The following ZNF609 variants were observed in gnomAD, a reference collection of about 807,000 sequenced individuals.
The protein encoded by ZNF609 is zinc finger protein 609.
In ZNF609, 11 loss-of-function variants were observed where a neutral mutation model predicts 109.5. The ratio of observed to expected loss-of-function variants is 0.10; its 90% confidence interval spans 0.06 to 0.17. The LOEUF is 0.17. Among genes scored for constraint, ZNF609 ranks in the 10% least tolerant of loss-of-function variants. ZNF609 has a pLI of 1.00. For missense variants in ZNF609, 1,559 were observed against 1,772.4 expected, an observed-to-expected ratio of 0.88 and a Z score of 2.16; for synonymous variants, 646 against 662.0, an observed-to-expected ratio of 0.98 and a Z score of 0.37.
chr15:64,490,892 G>A (rs374714005), intron 1 of ZNF609, among the ~76,000 whole-genome samples: 1 of 152,310 alleles, frequency 6.6e-6, no homozygotes, highest in African/African-American at 2.4e-5. Flanking sequence ...TTGGAGAATA[G>A]CAGCCTTTGA....
At chr15:64,557,936 G>A (rs1343480340) in intron 2 of ZNF609, among the ~76,000 whole-genome samples, 1 of 151,986 alleles carries the variant, frequency 6.6e-6, no homozygotes, top group African/African-American at 2.4e-5. Context: ...CGCCCGCCTC[G>A]GCCTCCCAAA....
intron 1 of ZNF609, among the ~76,000 whole-genome samples, chr15:64,478,667 C>T (rs1407458074): frequency 6.6e-6 from 1 of 152,160 alleles, no homozygotes; most frequent in Non-Finnish European, 1.5e-5. Flanking sequence ...GTATGAGCCA[C>T]CACATGGCCA....
intron 3 of ZNF609, among the ~76,000 whole-genome samples, chr15:64,649,949 G>A (rs1433448750): frequency 6.6e-6 from 1 of 151,960 alleles, no homozygotes; most frequent in African/African-American, 2.4e-5. Flanking sequence ...TAATATAGCA[G>A]TCATAGGGAC....
intron 2 of ZNF609, chr15:64,502,929 T>G (rs989821872): frequency 1.3e-5 from 2 of 152,092 alleles, no homozygotes; most frequent in East Asian, 3.9e-4. Context: ...ATTGGTGGTG[T>G]GCACCCGTAA....
intron 2 of ZNF609, among the ~76,000 whole-genome samples, chr15:64,576,923 T>A (rs1264720804): frequency 2.3e-5 from 3 of 130,136 alleles, no homozygotes; most frequent in Non-Finnish European, 3.4e-5. Flanking sequence ...TATACATATA[T>A]GTGTATATAT....
At chr15:64,580,991 T>C (rs1555420766) in intron 2 of ZNF609, among the ~76,000 whole-genome samples, 3 of 119,266 alleles carry the variant, frequency 2.5e-5, no homozygotes, top group Non-Finnish European at 5.0e-5. Context: ...TTTGAGACAG[T>C]CTCGCTCTGT....
In ZNF609 at chr15:64,678,008, G is replaced by C. The variant is rs1480064284; in HGVS notation, c.3403-108G>C. On this transcript the variant is annotated intron_variant, in intron 5 of 9. Transcript: ENST00000326648. ...GAGGCCAAAATCCTACTCTGCCCCA[G>C]GTGTCTAGTACTAATTATCTGCTCT... 3 of 1,415,600 alleles carry C rather than the reference G, an allele frequency of 2.1e-6. No homozygotes were observed. The East Asian group carries it at 6.9e-5, about 32-fold the overall frequency. 87.7% of individuals were successfully genotyped at this position (1,415,600 alleles called of 1,614,324 possible). A position where few individuals can be genotyped will look rare whatever the true frequency, so the allele number is the denominator to read the frequency against.
intron 1 of ZNF609, among the ~76,000 whole-genome samples, chr15:64,492,210 T>C (rs959230129): frequency 3.3e-5 from 5 of 152,036 alleles, no homozygotes; most frequent in Non-Finnish European, 5.9e-5. Context: ...GCCACTGCAC[T>C]CCAGCCTGGG....
chr15:64,562,973 T>C (rs186818136), intron 2 of ZNF609, among the ~76,000 whole-genome samples: 35 of 151,990 alleles, frequency 2.3e-4, no homozygotes, highest in African/African-American at 8.2e-4. Context: ...AGTCCAATTG[T>C]CTAACGTATG....
intron 2 of ZNF609, among the ~76,000 whole-genome samples, chr15:64,587,112 T>G (rs564797786): frequency 3.3e-5 from 5 of 152,228 alleles, no homozygotes; most frequent in Non-Finnish European, 7.3e-5. Context: ...GGAAATGACA[T>G]AATTTAACTC....
chr15:64,615,536 T>TA (rs1179294890), intron 2 of ZNF609, among the ~76,000 whole-genome samples: 2 of 151,334 alleles, frequency 1.3e-5, no homozygotes, highest in Non-Finnish European at 2.9e-5. Context: ...GCCCAGGCTG[T>TA]AGTGCAATAG....
intron 9 of ZNF609, 148 bp from the exon 10 acceptor site, chr15:64,681,544 C>T (rs575731595): frequency 8.0e-6 from 5 of 621,410 alleles, no homozygotes; most frequent in African/African-American, 7.3e-5. Context: ...CCCGTGAAGC[C>T]ATGTGCATCT....
At chr15:64,530,977 T>G (rs1316152282) in intron 2 of ZNF609, among the ~76,000 whole-genome samples, 1 of 152,200 alleles carries the variant, frequency 6.6e-6, no homozygotes, top group Admixed American at 6.5e-5. Flanking sequence ...CAATATCATG[T>G]GTAACAAAAT....
chr15:64,606,578 CA>C (rs1895606020), intron 2 of ZNF609, among the ~76,000 whole-genome samples: 1 of 119,402 alleles, frequency 8.4e-6, no homozygotes, highest in Non-Finnish European at 1.8e-5. Context: ...AAAAAAAAAA[CA>C]GAAAAACTTT....
At chr15:64,644,183 T>A (rs988178212) in intron 3 of ZNF609, among the ~76,000 whole-genome samples, 3 of 152,162 alleles carry the variant, frequency 2.0e-5, no homozygotes, top group African/African-American at 7.2e-5. Flanking sequence ...GACAAATTTT[T>A]TTTAAAAAGA....
chr15:64,655,755 A>G (rs1270051684), intron 3 of ZNF609, among the ~76,000 whole-genome samples: 1 of 152,104 alleles, frequency 6.6e-6, no homozygotes, highest in Non-Finnish European at 1.5e-5. Flanking sequence ...GTTTGAACCC[A>G]GGGGACGGGG....
At chr15:64,655,689 G>A (rs1321931365) in intron 3 of ZNF609, among the ~76,000 whole-genome samples, 1 of 152,006 alleles carries the variant, frequency 6.6e-6, no homozygotes, top group Admixed American at 6.6e-5. Flanking sequence ...AATTAGCTGG[G>A]CATGGTGGCA....
At chr15:64,603,366 G>A (rs1003319258) in intron 2 of ZNF609, among the ~76,000 whole-genome samples, 2 of 151,206 alleles carry the variant, frequency 1.3e-5, no homozygotes, top group Admixed American at 1.3e-4. Context: ...CACCTCCCAG[G>A]TTCAAGCAAT....
chr15:64,474,842 A>T (rs1596376281), intron 1 of ZNF609, among the ~76,000 whole-genome samples: 2 of 152,182 alleles, frequency 1.3e-5, no homozygotes, highest in South Asian at 4.1e-4. Context: ...GCTTCTTTCT[A>T]TAAAATCTTC....
Sources: gnomAD v4.1 joint callset for allele counts (sites outside exome capture counted in the v4.1 genomes callset) on GRCh38, gnomAD v4.1.1 for gene constraint, MANE v1.5 for transcripts, NCBI Gene and HGNC (gene_info 2026-07-23, HGNC 2026-07-21) for gene names.